Variants in SEZ6L observed in about 807,000 individuals in gnomAD.
The protein encoded by SEZ6L is seizure 6-like protein.
Under a neutral mutation model 106.2 loss-of-function variants are expected in SEZ6L, and 37 were observed. That is an observed-to-expected ratio of 0.35 (90% CI 0.27 to 0.46). The LOEUF is 0.46. Ranked by LOEUF, SEZ6L falls within the 20% of genes least tolerant of loss-of-function variation. The pLI is 1.00. For synonymous variants in SEZ6L, 541 were observed against 570.4 expected, an observed-to-expected ratio of 0.95 and a Z score of 0.73; for missense variants, 1,172 against 1,332.8, an observed-to-expected ratio of 0.88 and a Z score of 1.88.
intron 1 of SEZ6L, among the ~76,000 whole-genome samples, chr22:26,211,804 TAAAAAAA>T (rs56124325): frequency 1.2e-4 from 6 of 48,082 alleles, no homozygotes; most frequent in East Asian, 1.3e-3. Context: ...ACCTCGTCTC[TAAAAAAA>T]AAAAAAAAAA....
At chr22:26,248,824 T>C (rs368631408) in intron 1 of SEZ6L, among the ~76,000 whole-genome samples, 206 of 152,314 alleles carry the variant, frequency 1.4e-3, no homozygotes, top group African/African-American at 4.8e-3. Flanking sequence ...TTTCATGGGG[T>C]GGATCCTGCT....
chr22:26,356,642 A>AAATAATAAT (rs59145201), intron 12 of SEZ6L, among the ~76,000 whole-genome samples: 4 of 142,804 alleles, frequency 2.8e-5, no homozygotes, highest in Non-Finnish European at 6.0e-5. Flanking sequence ...ATTCTGTCTC[A>AAATAATAAT]AATAATAATA....
intron 1 of SEZ6L, among the ~76,000 whole-genome samples, chr22:26,217,492 C>T (rs1397703164): frequency 6.6e-6 from 1 of 152,240 alleles, no homozygotes; most frequent in African/African-American, 2.4e-5. Context: ...TTCTACTTCT[C>T]TTTCAGACCT....
intron 1 of SEZ6L, among the ~76,000 whole-genome samples, chr22:26,194,798 G>A (rs1475386411): frequency 6.6e-6 from 1 of 152,178 alleles, no homozygotes; most frequent in Non-Finnish European, 1.5e-5. Context: ...ATGGGAGCTG[G>A]AATAGCTCCC....
At chr22:26,258,615 T>G (rs902767962) in intron 1 of SEZ6L, among the ~76,000 whole-genome samples, 1 of 152,240 alleles carries the variant, frequency 6.6e-6, no homozygotes, top group Non-Finnish European at 1.5e-5. Flanking sequence ...GGTACAATGA[T>G]ATTACATACA....
chr22:26,311,727 C>A, intron 7 of SEZ6L, 41 bp from the exon 8 acceptor site: 2 of 1,561,412 alleles, frequency 1.3e-6, no homozygotes, highest in South Asian at 1.1e-5. Flanking sequence ...TGGGGTAGTC[C>A]CTGCATCATC....
intron 1 of SEZ6L, among the ~76,000 whole-genome samples, chr22:26,262,244 T>TTTATCTATCTATCTATC (rs1556283084): frequency 6.9e-6 from 1 of 144,290 alleles, no homozygotes; most frequent in Non-Finnish European, 1.5e-5. Context: ...TTGATATATT[T>TTTATCTATCTATCTATC]TATCTATCTA....
intron 1 of SEZ6L, among the ~76,000 whole-genome samples, chr22:26,272,436 A>AGCC: frequency 6.6e-6 from 1 of 152,216 alleles, no homozygotes; most frequent in African/African-American, 2.4e-5. Context: ...GGCCACAAAA[A>AGCC]AACCGAATTT....
chr22:26,282,712 T>C (rs527657899), intron 1 of SEZ6L, among the ~76,000 whole-genome samples: 1 of 152,324 alleles, frequency 6.6e-6, no homozygotes, highest in African/African-American at 2.4e-5. Flanking sequence ...AAGCCTACCG[T>C]GCCAGTATCC....
At chr22:26,359,928 AGTAAATATT>A (rs1305363238) in intron 12 of SEZ6L, among the ~76,000 whole-genome samples, 1 of 152,266 alleles carries the variant, frequency 6.6e-6, no homozygotes, top group African/African-American at 2.4e-5. Flanking sequence ...GAATGCCCTC[AGTAAATATT>A]GTAAATGTTG....
intron 1 of SEZ6L, among the ~76,000 whole-genome samples, chr22:26,243,833 AG>A (rs1185083413): frequency 6.6e-6 from 1 of 152,116 alleles, no homozygotes; most frequent in African/African-American, 2.4e-5. Context: ...AAAAATGAGC[AG>A]GGAGGCCTGG....
intron 8 of SEZ6L, 73 bp downstream of exon 8, chr22:26,312,035 C>A: frequency 6.9e-7 from 1 of 1,448,144 alleles, no homozygotes; most frequent in Non-Finnish European, 9.5e-7. Flanking sequence ...GACCAAGGCC[C>A]CAGCTTAGAG....
chr22:26,337,778 T>C (rs2082690921), intron 9 of SEZ6L, among the ~76,000 whole-genome samples: 1 of 152,116 alleles, frequency 6.6e-6, no homozygotes, highest in Non-Finnish European at 1.5e-5. Flanking sequence ...TTTGAAGATG[T>C]TTTGGGAGTA....
chr22:26,206,464 G>A (rs989844272), intron 1 of SEZ6L, among the ~76,000 whole-genome samples: 1 of 152,176 alleles, frequency 6.6e-6, no homozygotes, highest in African/African-American at 2.4e-5. Flanking sequence ...AAACTCCCAT[G>A]CAGTAGATAC....
intron 12 of SEZ6L, among the ~76,000 whole-genome samples, chr22:26,361,506 CA>C (rs530265526): frequency 0.042 from 5,430 of 130,520 alleles, 224 homozygotes; most frequent in African/African-American, 0.12. Context: ...GACTCTGTCT[CA>C]AAAAAAAAAA....
intron 1 of SEZ6L, among the ~76,000 whole-genome samples, chr22:26,226,829 C>T (rs373425918): frequency 3.0e-4 from 46 of 152,252 alleles, no homozygotes; most frequent in African/African-American, 1.0e-3. Flanking sequence ...ACTTGGATGC[C>T]CTTTTTCCTT....
At chr22:26,376,169 C>T (rs2084216749) in intron 15 of SEZ6L, among the ~76,000 whole-genome samples, 1 of 151,254 alleles carries the variant, frequency 6.6e-6, no homozygotes, top group African/African-American at 2.4e-5. Flanking sequence ...TTACTAGGTG[C>T]CAGGCAGTTT....
At chr22:26,197,159 T>C (rs1185659269) in intron 1 of SEZ6L, among the ~76,000 whole-genome samples, 2 of 152,136 alleles carry the variant, frequency 1.3e-5, no homozygotes, top group Non-Finnish European at 2.9e-5. Flanking sequence ...ATTTGTTTTT[T>C]TTTTCTTGTT....
intron 13 of SEZ6L, among the ~76,000 whole-genome samples, chr22:26,369,754 A>C (rs1203164126): frequency 6.6e-6 from 1 of 152,012 alleles, no homozygotes; most frequent in African/African-American, 2.4e-5. Context: ...AATTTTGACT[A>C]AGTCCAGCCC....
Sources: gnomAD v4.1 joint callset for allele counts (sites outside exome capture counted in the v4.1 genomes callset) on GRCh38, gnomAD v4.1.1 for gene constraint, MANE v1.5 for transcripts, NCBI Gene and HGNC (gene_info 2026-07-23, HGNC 2026-07-21) for gene names.